Variants in TANK observed in about 807,000 individuals in gnomAD.
TANK encodes the protein TRAF family member associated NFKB activator.
A neutral mutation model predicts 43.6 loss-of-function variants in TANK; 15 were observed. The ratio of observed to expected loss-of-function variants is 0.34; its 90% CI spans 0.23 to 0.53. TANK has a LOEUF of 0.53. Ranked by LOEUF, TANK falls within the 20% of genes least tolerant of loss-of-function variation. The probability of loss-of-function intolerance (pLI) is 0.94; values close to 1 mark genes in which losing one functional copy is unlikely to be tolerated. For missense variants in TANK, 417 were observed against 498.6 expected, an observed-to-expected ratio of 0.84 and a Z score of 1.56; for synonymous variants, 162 against 178.2, an observed-to-expected ratio of 0.91 and a Z score of 0.73.
At chr2:161,161,068 A>G (rs1684408375) in intron 1 of TANK, 2 of 755,274 alleles carry the variant, frequency 2.6e-6, no homozygotes, top group African/African-American at 1.8e-5. Context: ...GGAAGAACAG[A>G]AGCCAACCCC....
At chr2:161,191,854 C>T (rs950699367) in intron 2 of TANK, among the ~76,000 whole-genome samples, 5 of 152,012 alleles carry the variant, frequency 3.3e-5, no homozygotes, top group African/African-American at 2.4e-5. Context: ...AGTGCAGTGG[C>T]GCTCACTTGG....
rs182855366 is a variant in TANK at position 161,171,772 on chromosome 2, A to G, written c.-49-7842A>G. Among the ~76,000 whole-genome samples the G allele has an allele frequency of 8.4e-4, 128 of 152,246 alleles. 2 individuals are homozygous for G. Among genetic ancestry groups the G allele is most frequent in the African/African-American group, 2.8e-3 (117 of 41,532 alleles). On this transcript the variant is annotated intron_variant, in intron 1 of 7. Transcript: ENST00000392749. ...CTCAGGGATACTCGAGGGGCAGCCA[A>G]CTCGTTAACTCATAAGATTTTAACT... is the stretch of plus-strand genomic sequence containing the variant.
chr2:161,233,323 G>A (rs904119867), intron 7 of TANK, among the ~76,000 whole-genome samples: 1 of 152,080 alleles, frequency 6.6e-6, no homozygotes, highest in African/African-American at 2.4e-5. Context: ...CTTGAGCTAG[G>A]TAGTTCGAGG....
intron 1 of TANK, among the ~76,000 whole-genome samples, chr2:161,166,853 A>C (rs1013819180): frequency 3.3e-5 from 5 of 152,116 alleles, no homozygotes; most frequent in Non-Finnish European, 7.4e-5. Context: ...TCACTGATTC[A>C]CCTCTTTATG....
intron 6 of TANK, among the ~76,000 whole-genome samples, chr2:161,229,167 C>G (rs899699138): frequency 6.6e-6 from 1 of 152,172 alleles, no homozygotes; most frequent in Non-Finnish European, 1.5e-5. Flanking sequence ...TGGGAGGGGA[C>G]ACTTCAGGCA....
intron 6 of TANK, among the ~76,000 whole-genome samples, chr2:161,228,583 T>G (rs1253960499): frequency 6.6e-6 from 1 of 152,206 alleles, no homozygotes; most frequent in Non-Finnish European, 1.5e-5. Flanking sequence ...AGGTAGCTGT[T>G]GTTACATTGT....
intron 1 of TANK, chr2:161,161,496 A>G (rs1684433411): frequency 3.3e-6 from 5 of 1,524,390 alleles, no homozygotes; most frequent in African/African-American, 2.8e-5. Context: ...TAATACAACT[A>G]TGTGCAAAGC....
At chr2:161,189,183 A>C (rs897343296) in intron 2 of TANK, among the ~76,000 whole-genome samples, 2 of 152,230 alleles carry the variant, frequency 1.3e-5, no homozygotes, top group African/African-American at 4.8e-5. Flanking sequence ...AAAGAATTAC[A>C]TATCATGACA....
intron 1 of TANK, among the ~76,000 whole-genome samples, chr2:161,171,899 T>A (rs1465030027): frequency 6.6e-6 from 1 of 152,174 alleles, no homozygotes; most frequent in Non-Finnish European, 1.5e-5. Context: ...TTACTGAAAA[T>A]ATTTTTTTTC....
In TANK at chr2:161,204,750, A is replaced by G. The variant is rs1401213055; in HGVS notation, c.284A>G (p.Gln95Arg). ...AATAATTTGACTCTTGATCAGCCAC[A>G]AGATAAAGTGATTTCAGGAATAGCA... ...RKNNLTLDQP[Q>R]DKVISGIARE... Residue 95 changes from glutamine (Q) to arginine (R), a missense_variant, in exon 4 of 8, where the codon CAA (glutamine) becomes CGA (arginine). Transcript: ENST00000392749. 6.2e-7 allele frequency: 1 copy of G among 1,606,862 alleles called. No homozygotes were observed.
At position 161,203,580 on chromosome 2, in the gene TANK, G is replaced by A. The variant is rs1035040007; in HGVS notation, c.193G>A (p.Val65Met). The A allele has an allele frequency of 6.2e-7, 1 of 1,607,330 alleles. No individual in the cohort carries two copies. The highest frequency in any genetic ancestry group is 1.3e-5 in the African/African-American group (1 of 74,666). ...IDKLKSQLLL[V>M]NSTQDNNYGC... ...CAAGCTAAAATCTCAGTTACTTCTT[G>A]TGAATTCCACTCAAGGTATGTTCAT... The change falls in exon 3 of 8, where the codon GTG becomes ATG. Residue 65 changes from valine (V) to methionine (M), a missense_variant. Transcript: ENST00000392749.
At chr2:161,224,135 G>A (rs184493201) in intron 5 of TANK, 144 bp downstream of exon 5, 27 of 546,906 alleles carry the variant, frequency 4.9e-5, no homozygotes, top group Non-Finnish European at 5.5e-5. Flanking sequence ...AATCCTACAT[G>A]TTAAAGATGA....
intron 2 of TANK, among the ~76,000 whole-genome samples, chr2:161,194,859 T>C (rs867888992): frequency 4.1e-4 from 63 of 152,096 alleles, no homozygotes; most frequent in African/African-American, 1.4e-3. Context: ...ATGTTTTTTT[T>C]CCCCCAACAA....
At chr2:161,159,703 C>T (rs1327241691), upstream of TANK, among the ~76,000 whole-genome samples, 1 of 152,128 alleles carries the variant, frequency 6.6e-6, no homozygotes, top group Non-Finnish European at 1.5e-5. Flanking sequence ...CATCCTCTTG[C>T]CCTAAAGGGA....
chr2:161,176,776 C>G (rs1440275777), intron 1 of TANK, among the ~76,000 whole-genome samples: 4 of 152,058 alleles, frequency 2.6e-5, no homozygotes, highest in Admixed American at 6.6e-5. Context: ...AAGCAAGGGA[C>G]TAGATGGATT....
chr2:161,160,379 C>G, upstream of TANK: 6 of 1,218,508 alleles, frequency 4.9e-6, no homozygotes, highest in Non-Finnish European at 6.2e-6. Context: ...GCTCCGCGCG[C>G]AGGCACTGCC....
intron 3 of TANK, among the ~76,000 whole-genome samples, chr2:161,204,005 T>C (rs576318286): frequency 8.5e-5 from 13 of 152,226 alleles, no homozygotes; most frequent in Non-Finnish European, 1.8e-4. Flanking sequence ...GAAACAAATA[T>C]TCAGTAGTTA....
intron 2 of TANK, among the ~76,000 whole-genome samples, chr2:161,195,246 G>A (rs1416126389): frequency 6.6e-6 from 1 of 152,178 alleles, no homozygotes; most frequent in East Asian, 1.9e-4. Flanking sequence ...TAAGCAAACA[G>A]ACATGCTTGC....
rs573487274 is a variant in TANK at position 161,181,920 on chromosome 2, TA to T, written c.99+2170del. Reference sequence around the variant, plus strand: ...GAGATCTTATGTTGGTTTTCCCAATTAAAAAAAAAAATTACTAGCCTGTGAA... The same window carrying T: ...GAGATCTTATGTTGGTTTTCCCAATTAAAAAAAAAATTACTAGCCTGTGAA... On this transcript the variant is annotated intron_variant, in intron 2 of 7. Coordinates refer to ENST00000392749, the MANE Select transcript of TANK (RefSeq NM_001199135.3). Among the ~76,000 whole-genome samples, 860 of 147,834 alleles carry T rather than the reference TA, an allele frequency of 5.8e-3. 8 individuals are homozygous for T. The highest frequency in any genetic ancestry group is 0.019 in the African/African-American group (780 of 40,594).
Sources: gnomAD v4.1 joint callset for allele counts (sites outside exome capture counted in the v4.1 genomes callset) on GRCh38, gnomAD v4.1.1 for gene constraint, MANE v1.5 for transcripts, NCBI Gene and HGNC (gene_info 2026-07-23, HGNC 2026-07-21) for gene names.